CELF4: variants seen among roughly 807,000 people sequenced by gnomAD.
The protein encoded by CELF4 is CUG-BP- and ETR-3-like factor 4.
Under a neutral mutation model 59.9 loss-of-function variants are expected in CELF4, and 18 were observed. That is an observed-to-expected ratio of 0.30 (90% confidence interval 0.21 to 0.45). CELF4 has a LOEUF of 0.45. Ranked by LOEUF, CELF4 falls within the 20% of genes least tolerant of loss-of-function variation. CELF4 has a pLI of 1.00. For missense variants in CELF4, 456 were observed against 689.0 expected (o/e 0.66, Z 3.79); for synonymous variants, 261 against 267.1 (o/e 0.98, Z 0.22).
At chr18:37,509,202 T>C (rs1234455935) in intron 1 of CELF4, among the ~76,000 whole-genome samples, 1 of 152,226 alleles carries the variant, frequency 6.6e-6, no homozygotes, top group Non-Finnish European at 1.5e-5. Context: ...AAACAAAGAT[T>C]AGCACCTGCA....
intron 2 of CELF4, among the ~76,000 whole-genome samples, chr18:37,447,935 G>T (rs190524086): frequency 5.9e-5 from 9 of 152,112 alleles, no homozygotes; most frequent in African/African-American, 1.9e-4. Context: ...CCTCTCCTCC[G>T]GGGCCATCCA....
chr18:37,544,927 C>T (rs1285597845), intron 1 of CELF4, among the ~76,000 whole-genome samples: 2 of 152,142 alleles, frequency 1.3e-5, no homozygotes, highest in African/African-American at 4.8e-5. Flanking sequence ...TCCTGGGGCT[C>T]CAGGGACAGG....
intron 2 of CELF4, among the ~76,000 whole-genome samples, chr18:37,403,539 G>C (rs763199267): frequency 6.6e-6 from 1 of 152,102 alleles, no homozygotes; most frequent in African/African-American, 2.4e-5. Context: ...ATGTGACTCC[G>C]TGTGACAGCA....
At chr18:37,273,982 C>T in intron 6 of CELF4, 1 of 1,166,706 alleles carries the variant, frequency 8.6e-7, no homozygotes, top group Non-Finnish European at 1.1e-6. Flanking sequence ...ACCTCACCCT[C>T]TCATCTGTGC....
intron 1 of CELF4, among the ~76,000 whole-genome samples, chr18:37,534,477 C>A (rs1219962254): frequency 6.6e-6 from 1 of 152,158 alleles, no homozygotes; most frequent in East Asian, 1.9e-4. Flanking sequence ...ATGCTAATAG[C>A]AGACCGTACA....
At chr18:37,262,626 G>A (rs2075427296) in intron 10 of CELF4, among the ~76,000 whole-genome samples, 1 of 152,174 alleles carries the variant, frequency 6.6e-6, no homozygotes, top group East Asian at 1.9e-4. Context: ...AGACCCCTGA[G>A]CCAATAGGCC....
intron 2 of CELF4, among the ~76,000 whole-genome samples, chr18:37,329,124 T>C (rs1406209748): frequency 6.6e-6 from 1 of 152,222 alleles, no homozygotes; most frequent in Non-Finnish European, 1.5e-5. Context: ...TTACCTCCTA[T>C]GCAGAGTCAT....
In CELF4 at chr18:37,308,555, T is replaced by A. The variant is rs146518383; in HGVS notation, c.448+13248A>T. Among the ~76,000 whole-genome samples, 502 of 152,318 alleles carry A rather than the reference T, an allele frequency of 3.3e-3. 1 individual carries two copies. Among genetic ancestry groups the A allele is most frequent in the African/African-American group, 0.011 (444 of 41,570 alleles). Reference sequence around the variant, plus strand: ...CCTGCCCCCAGACTGTAAGCTTCTCTAGGGCCCAGAGCACAGAGGAGGCTT... The same window carrying A: ...CCTGCCCCCAGACTGTAAGCTTCTCAAGGGCCCAGAGCACAGAGGAGGCTT... On this transcript the variant is annotated intron_variant, in intron 3 of 12. Coordinates refer to ENST00000420428, the MANE Select transcript of CELF4 (RefSeq NM_020180.4).
chr18:37,383,401 T>G (rs1272795159), intron 2 of CELF4, among the ~76,000 whole-genome samples: 2 of 152,216 alleles, frequency 1.3e-5, no homozygotes, highest in African/African-American at 4.8e-5. Context: ...AAACTTGGTT[T>G]TATACTGAAT....
chr18:37,298,385 C>T (rs1184002034), intron 3 of CELF4, among the ~76,000 whole-genome samples: 1 of 152,228 alleles, frequency 6.6e-6, no homozygotes, highest in Non-Finnish European at 1.5e-5. Context: ...TGTCACTGCT[C>T]TACTCAAGGC....
intron 2 of CELF4, among the ~76,000 whole-genome samples, chr18:37,382,842 A>C (rs151279689): frequency 1.1e-4 from 17 of 152,194 alleles, no homozygotes; most frequent in African/African-American, 4.1e-4. Flanking sequence ...CAATGTTGAC[A>C]AGCTGCTCAC....
At chr18:37,526,168 G>A (rs1392551747) in intron 1 of CELF4, among the ~76,000 whole-genome samples, 3 of 152,196 alleles carry the variant, frequency 2.0e-5, no homozygotes, top group Non-Finnish European at 4.4e-5. Context: ...GCAGGGCCAA[G>A]GCTGGGACGA....
At chr18:37,430,434 G>T (rs1012540173) in intron 2 of CELF4, among the ~76,000 whole-genome samples, 5 of 152,214 alleles carry the variant, frequency 3.3e-5, no homozygotes, top group African/African-American at 1.2e-4. Flanking sequence ...TAATAGCATT[G>T]CAGTGGGCCC....
At chr18:37,290,917 A>G (rs981647427) in intron 3 of CELF4, among the ~76,000 whole-genome samples, 1 of 151,772 alleles carries the variant, frequency 6.6e-6, no homozygotes, top group African/African-American at 2.4e-5. Context: ...TTTTATTTTT[A>G]TTTTTTGAGA....
intron 1 of CELF4, among the ~76,000 whole-genome samples, chr18:37,506,698 C>T (rs1459103328): frequency 6.6e-6 from 1 of 152,230 alleles, no homozygotes; most frequent in Non-Finnish European, 1.5e-5. Flanking sequence ...TTCAACTCTC[C>T]AGCCCCAAAA....
At chr18:37,306,202 A>AGT (rs1301566316) in intron 3 of CELF4, 2 of 152,254 alleles carry the variant, frequency 1.3e-5, no homozygotes, top group African/African-American at 4.8e-5. Flanking sequence ...ACTGTCAGGC[A>AGT]GTCCCTGAGG....
At chr18:37,396,835 C>T (rs2099251356) in intron 2 of CELF4, among the ~76,000 whole-genome samples, 1 of 152,192 alleles carries the variant, frequency 6.6e-6, no homozygotes, top group Non-Finnish European at 1.5e-5. Flanking sequence ...TCCTCCCAGA[C>T]AGCCCTCCTA....
At position 37,248,300 on chromosome 18, in the gene CELF4, A is replaced by C. The variant is rs77024018; in HGVS notation, c.*45-3103T>G. Among the ~76,000 whole-genome samples, 393 of 152,270 alleles carry C rather than the reference A, an allele frequency of 2.6e-3. 9 individuals carry two copies. The East Asian group carries it at 0.065, about 25-fold the overall frequency. ...ACTGAGTTCATCTTGCATTTGCCTT[A>C]CCCTCTTTCTTTGCTCACACTCTTT... On this transcript the variant is annotated intron_variant, in intron 12 of 12. Transcript: ENST00000420428.
chr18:37,502,326 C>T lies in CELF4; in HGVS notation c.287-16719G>A, dbSNP rs535337920. On this transcript the variant is annotated intron_variant, in intron 1 of 12. Coordinates refer to ENST00000420428, the MANE Select transcript of CELF4 (RefSeq NM_020180.4). ...AAGACGAAATTTTTCTACTGGGAAC[C>T]GACAGCCGCAAATAAACCTACCATC... is the stretch of plus-strand genomic sequence containing the variant. Among the ~76,000 whole-genome samples the T allele has an allele frequency of 8.6e-5, 13 of 151,922 alleles. 1 individual carries two copies. Among genetic ancestry groups the T allele is most frequent in the Admixed American group, 3.9e-4 (6 of 15,260 alleles).
Sources: gnomAD v4.1 joint callset for allele counts (sites outside exome capture counted in the v4.1 genomes callset) on GRCh38, gnomAD v4.1.1 for gene constraint, MANE v1.5 for transcripts, NCBI Gene and HGNC (gene_info 2026-07-23, HGNC 2026-07-21) for gene names.